Variants in LDB2 observed in about 807,000 individuals in gnomAD.
LDB2 encodes the protein LIM domain binding 2, also known as LIM domain-binding protein 2.
A neutral mutation model predicts 44.3 loss-of-function variants in LDB2; 12 were observed. That is an observed-to-expected ratio of 0.27 (90% confidence interval 0.17 to 0.44). LDB2 has a LOEUF of 0.44. Among genes scored for constraint, LDB2 ranks in the 20% least tolerant of loss-of-function variants. The probability of loss-of-function intolerance (pLI) is 1.00; values close to 1 mark genes in which losing one functional copy is unlikely to be tolerated. For missense variants in LDB2, 344 were observed against 473.5 expected (o/e 0.73, Z 2.54); for synonymous variants, 164 against 174.8 (o/e 0.94, Z 0.49).
At chr4:16,828,829 T>C (rs1436011907) in intron 1 of LDB2, among the ~76,000 whole-genome samples, 1 of 152,152 alleles carries the variant, frequency 6.6e-6, no homozygotes, top group Non-Finnish European at 1.5e-5. Context: ...TGGAAGATGG[T>C]AATTGAATAG....
rs1240206494 is a variant in LDB2 at position 16,599,166 on chromosome 4, CTT to C, written c.236-3293_236-3292del. On this transcript the variant is annotated intron_variant, in intron 2 of 7. Coordinates refer to ENST00000304523, the MANE Select transcript of LDB2 (RefSeq NM_001290.5). ...ACATAGTGGCCTACAACACCACAAA[CTT>C]ATTATTTCATAGTCCCGACAATCAG... Among the ~76,000 whole-genome samples, 3 of 152,248 alleles carry C rather than the reference CTT, an allele frequency of 2.0e-5. No homozygotes were observed. In the East Asian group the frequency reaches 5.8e-4, roughly 29 times the overall value.
intron 2 of LDB2, among the ~76,000 whole-genome samples, chr4:16,625,094 G>A (rs1729923215): frequency 6.6e-6 from 1 of 151,852 alleles, no homozygotes; most frequent in South Asian, 2.1e-4. Flanking sequence ...TACCTCTTTT[G>A]CCCCATCACC....
intron 2 of LDB2, among the ~76,000 whole-genome samples, chr4:16,695,187 C>T (rs764995256): frequency 6.6e-6 from 1 of 152,128 alleles, no homozygotes; most frequent in African/African-American, 2.4e-5. Flanking sequence ...TTTCTAGGTA[C>T]GGTACCTACA....
At chr4:16,772,575 T>C (rs1486108154) in intron 1 of LDB2, among the ~76,000 whole-genome samples, 1 of 152,200 alleles carries the variant, frequency 6.6e-6, no homozygotes, top group African/African-American at 2.4e-5. Context: ...TTTAAATAAA[T>C]ATATGCTGTG....
rs368066045 is a variant in LDB2, at chr4:16,615,734, A to T, written c.236-19859T>A. ...GTATCCCATTTTTTTGGAAGAAATT[A>T]AAAAAAGTGAATAAATAAAATTTTA... On this transcript the variant is annotated intron_variant, in intron 2 of 7. Coordinates refer to ENST00000304523, the MANE Select transcript of LDB2 (RefSeq NM_001290.5). 1.6e-4 allele frequency among the ~76,000 whole-genome samples: 25 copies of T among 152,226 alleles called. 1 individual carries two copies. Among genetic ancestry groups the T allele is most frequent in the Non-Finnish European group, 2.5e-4 (17 of 68,022 alleles).
intron 1 of LDB2, among the ~76,000 whole-genome samples, chr4:16,814,148 G>A (rs1033005177): frequency 6.6e-6 from 1 of 152,168 alleles, no homozygotes; most frequent in African/African-American, 2.4e-5. Flanking sequence ...GGGATTACAG[G>A]CGTGAGCCAC....
intron 1 of LDB2, among the ~76,000 whole-genome samples, chr4:16,846,269 A>T (rs1174969805): frequency 1.3e-5 from 2 of 152,236 alleles, no homozygotes; most frequent in Non-Finnish European, 2.9e-5. Flanking sequence ...TTGGTTTAAC[A>T]GATAAGAAGC....
intron 1 of LDB2, among the ~76,000 whole-genome samples, chr4:16,848,241 T>C (rs1161405088): frequency 6.6e-6 from 1 of 152,230 alleles, no homozygotes; most frequent in African/African-American, 2.4e-5. Flanking sequence ...GGCTTACTGT[T>C]CATTCTAAAT....
At position 16,502,346 on chromosome 4, in the gene LDB2, G is replaced by A. The variant is rs1016416970; in HGVS notation, c.*297C>T. 4 of 351,928 alleles carry A rather than the reference G, an allele frequency of 1.1e-5. No individual in the cohort carries two copies. Among genetic ancestry groups the A allele is most frequent in the East Asian group, 1.0e-4 (2 of 19,278 alleles). The allele number at this position is 351,928 out of a possible 1,614,324, so 21.8% of individuals were successfully genotyped here. A position where few individuals can be genotyped will look rare whatever the true frequency, so the allele number is the denominator to read the frequency against. Reference sequence around the variant, plus strand: ...TAAAAAGGAAATTCAACACAAACACGTTGTTAAAACCGTGCCAGAAGATGC... The same window carrying A: ...TAAAAAGGAAATTCAACACAAACACATTGTTAAAACCGTGCCAGAAGATGC... On this transcript the variant is annotated 3_prime_UTR_variant, in exon 8 of 8. Transcript: ENST00000304523.
chr4:16,523,036 G>A (rs886730205), intron 5 of LDB2, among the ~76,000 whole-genome samples: 1 of 152,180 alleles, frequency 6.6e-6, no homozygotes, highest in Admixed American at 6.5e-5. Context: ...TACTCTAAAT[G>A]GCCTCAGACA....
At chr4:16,871,624 T>TTTCC (rs139647869) in intron 1 of LDB2, among the ~76,000 whole-genome samples, 2 of 148,690 alleles carry the variant, frequency 1.3e-5, no homozygotes, top group East Asian at 4.0e-4. Flanking sequence ...ACTCTTTCTT[T>TTTCC]TTTTTTTTTT....
intron 5 of LDB2, among the ~76,000 whole-genome samples, chr4:16,547,685 G>C (rs1736239840): frequency 6.6e-6 from 1 of 152,122 alleles, no homozygotes; most frequent in South Asian, 2.1e-4. Context: ...TAATTATAGA[G>C]GCAGCAGTGG....
chr4:16,512,130 A>C, intron 5 of LDB2, 26 bp from the exon 6 acceptor site: 2 of 1,573,018 alleles, frequency 1.3e-6, no homozygotes, highest in Middle Eastern at 1.8e-4. Context: ...AGACATTGGC[A>C]TTTCACTACT....
intron 2 of LDB2, among the ~76,000 whole-genome samples, chr4:16,604,147 C>G (rs11733778): frequency 0.026 from 4,031 of 152,304 alleles, 61 homozygotes; most frequent in East Asian, 0.06. Flanking sequence ...GCCATAGTGC[C>G]TGGCCAACAA....
chr4:16,782,703 C>G (rs1365671069), intron 1 of LDB2, among the ~76,000 whole-genome samples: 1 of 152,086 alleles, frequency 6.6e-6, no homozygotes, highest in Non-Finnish European at 1.5e-5. Flanking sequence ...AAACCCCAAG[C>G]AAGTTAGCAT....
chr4:16,769,065 C>T (rs1213369081), intron 1 of LDB2, among the ~76,000 whole-genome samples: 1 of 152,138 alleles, frequency 6.6e-6, no homozygotes, highest in African/African-American at 2.4e-5. Flanking sequence ...GTTTCAACAT[C>T]CAGTCAAGGC....
At chr4:16,616,034 G>C (rs1448948825) in intron 2 of LDB2, among the ~76,000 whole-genome samples, 1 of 152,158 alleles carries the variant, frequency 6.6e-6, no homozygotes, top group Non-Finnish European at 1.5e-5. Context: ...TCCATGAAAT[G>C]CTCTTGCCTC....
At chr4:16,871,764 GCGCCCACCACCA>G (rs150196274) in intron 1 of LDB2, among the ~76,000 whole-genome samples, 15,630 of 151,996 alleles carry the variant, frequency 0.1, 2,588 homozygotes, top group African/African-American at 0.35. Context: ...GGGATCACAG[GCGCCCACCACCA>G]CGCCCAGCTA....
At chr4:16,675,125 T>C (rs1003137944) in intron 2 of LDB2, among the ~76,000 whole-genome samples, 3 of 152,324 alleles carry the variant, frequency 2.0e-5, no homozygotes, top group East Asian at 1.9e-4. Flanking sequence ...TAAATGTGGC[T>C]GCAAGAAATG....
Sources: gnomAD v4.1 joint callset for allele counts (sites outside exome capture counted in the v4.1 genomes callset) on GRCh38, gnomAD v4.1.1 for gene constraint, MANE v1.5 for transcripts, NCBI Gene and HGNC (gene_info 2026-07-23, HGNC 2026-07-21) for gene names.